The following CLTCL1 variants were observed in gnomAD, a reference collection of about 807,000 sequenced individuals.
The protein encoded by CLTCL1 is clathrin heavy chain 2.
In CLTCL1, 159 loss-of-function variants were observed where a neutral mutation model predicts 190.0. That is an observed-to-expected ratio of 0.84 (90% CI 0.74 to 0.95). CLTCL1 has a LOEUF of 0.95. Among genes scored for constraint, CLTCL1 ranks in the 40% least tolerant of loss-of-function variants. The probability of loss-of-function intolerance (pLI) is 0.00; values close to 1 mark genes in which losing one functional copy is unlikely to be tolerated. For missense variants in CLTCL1, 1,878 were observed against 2,033.4 expected (o/e 0.92, Z 1.47); for synonymous variants, 752 against 769.6 (o/e 0.98, Z 0.38).
chr22:19,253,865 C>G (rs570278985), intron 3 of CLTCL1, 94 bp downstream of exon 3: 1 of 1,452,862 alleles, frequency 6.9e-7, no homozygotes, highest in East Asian at 2.5e-5. Flanking sequence ...CGCACCTGGC[C>G]CTATAACCAA....
intron 1 of CLTCL1, among the ~76,000 whole-genome samples, chr22:19,290,960 G>C (rs1304127283): frequency 6.6e-6 from 1 of 152,194 alleles, no homozygotes; most frequent in Non-Finnish European, 1.5e-5. Flanking sequence ...CTCCCGGGCA[G>C]ACCCGCGAGC....
chr22:19,219,946 G>A lies in CLTCL1; in HGVS notation c.2858C>T (p.Pro953Leu), dbSNP rs181361214. ...CTCAAGGACGTGAGCCCAGAGCTCC[G>A]GATCCTTTCTGCATACCAGGTAGCG... ...EARYLVCRKD[P>L]ELWAHVLEET... Residue 953 changes from proline to leucine, a missense_variant, in exon 18 of 33, where the codon CCG becomes CTG. Pro to Leu is a moderately conservative substitution (Grantham distance 98). Coordinates refer to ENST00000427926, the MANE Select transcript of CLTCL1 (RefSeq NM_007098.4). 16 of 1,613,994 alleles carry A rather than the reference G, an allele frequency of 9.9e-6. No individual in the cohort carries two copies. The highest frequency in any genetic ancestry group is 6.7e-5 in the Admixed American group (4 of 60,010).
rs782293538 is a variant in CLTCL1, at chr22:19,210,469, C to G, written c.3106G>C (p.Asp1036His). ...NLLILTAIKA[D>H]RTRVMEYISR... The stretch of plus-strand genomic sequence containing the variant: ...ATGTACTCCATGACCCGTGTGCGGT[C>G]TGCCTTGATGGCAGTCAGGATCAAC... Residue 1036 changes from aspartate (D) to histidine (H), a missense_variant, in exon 20 of 33, where the codon GAC becomes CAC. Physicochemically the swap from Asp to His is moderately conservative, Grantham distance 81. Transcript: ENST00000427926. 1.2e-6 allele frequency: 2 copies of G among 1,613,970 alleles called. No individual in the cohort carries two copies. Among genetic ancestry groups the G allele is most frequent in the Admixed American group, 3.3e-5 (2 of 60,026 alleles).
intron 18 of CLTCL1, 103 bp from the exon 19 acceptor site, chr22:19,216,359 A>G (rs1555949523): frequency 1.9e-6 from 2 of 1,071,278 alleles, no homozygotes; most frequent in African/African-American, 1.6e-5. Flanking sequence ...GGTCTGGAAT[A>G]GACACAGAGA....
intron 31 of CLTCL1, 55 bp from the exon 32 acceptor site, chr22:19,180,293 G>C (rs1232290204): frequency 6.3e-7 from 1 of 1,596,942 alleles, no homozygotes; most frequent in African/African-American, 1.3e-5. Flanking sequence ...CCGGACGCTG[G>C]AGACCCGCCG....
chr22:19,213,167 C>T (rs908032001), intron 19 of CLTCL1, among the ~76,000 whole-genome samples: 4 of 152,216 alleles, frequency 2.6e-5, no homozygotes, highest in African/African-American at 9.6e-5. Flanking sequence ...CAACAGATTT[C>T]AAGAGACACT....
rs1555960162 is a variant in CLTCL1, at chr22:19,233,446, T to G, written c.1344A>C (p.Leu448=). 11 of 1,613,592 alleles carry G rather than the reference T, an allele frequency of 6.8e-6. No homozygotes were observed. In the Admixed American group the frequency reaches 1.8e-4, roughly 27 times the overall value. The part of the protein sequence containing the change: ...LVLQQGRKQL[L]EKWLKEDKLE... ...CCTTATCTTCTTTCAGCCACTTCTC[T>G]AGGAGTTGCTTACGCCCCTGCTGAA... The change falls in exon 8 of 33, where the codon CTA becomes CTC. Residue 448 remains leucine (L), a synonymous_variant. Transcript: ENST00000427926.
intron 19 of CLTCL1, 113 bp from the exon 20 acceptor site, chr22:19,210,622 T>C (rs1030272697): frequency 2.7e-5 from 19 of 703,966 alleles, no homozygotes; most frequent in African/African-American, 3.6e-5. Flanking sequence ...GTAATTAATA[T>C]ACACACACAT....
intron 22 of CLTCL1, chr22:19,207,542 G>C: frequency 2.5e-6 from 1 of 401,858 alleles, no homozygotes; most frequent in East Asian, 3.5e-5. Context: ...TGCTTCTCAT[G>C]ATCTTTATCT....
Position 19,235,827 on chromosome 22 carries a change from C to G in CLTCL1, c.838G>C (p.Gly280Arg), listed in dbSNP as rs781810183. ...HGVIYLITKY[G>R]YLHLYDLESG... ...TCTAGGTCGTACAGATGAAGATAGC[C>G]ATACTTTGTGATCAAGTAAATAACA... Residue 280 changes from glycine (G) to arginine (R), a missense_variant, in exon 6 of 33, where the codon GGC becomes CGC. Transcript: ENST00000427926. The G allele has an allele frequency of 1.8e-5, 29 of 1,613,814 alleles. No individual in the cohort carries two copies. The highest frequency in any genetic ancestry group is 2.4e-5 in the Non-Finnish European group (28 of 1,179,870).
At chr22:19,256,880 C>T (rs952964786) in intron 2 of CLTCL1, among the ~76,000 whole-genome samples, 6 of 152,042 alleles carry the variant, frequency 3.9e-5, no homozygotes, top group Middle Eastern at 3.2e-3. Context: ...ATAGACATAA[C>T]AAATTTGGAA....
At chr22:19,195,333 GTCC>G (rs1555934814) in intron 26 of CLTCL1, among the ~76,000 whole-genome samples, 2 of 152,178 alleles carry the variant, frequency 1.3e-5, no homozygotes, top group Non-Finnish European at 2.9e-5. Context: ...TAACATGGAT[GTCC>G]TCCAACAAGA....
intron 10 of CLTCL1, among the ~76,000 whole-genome samples, chr22:19,230,884 T>A (rs1322923294): frequency 1.3e-5 from 2 of 152,142 alleles, no homozygotes; most frequent in Non-Finnish European, 2.9e-5. Context: ...TGATCCACTC[T>A]CAATGTCGGG....
At chr22:19,185,149 G>A (rs1262602600) in intron 29 of CLTCL1, among the ~76,000 whole-genome samples, 5 of 152,220 alleles carry the variant, frequency 3.3e-5, no homozygotes, top group African/African-American at 1.2e-4. Flanking sequence ...CAGTGGCAGT[G>A]CTGACCTTGG....
chr22:19,260,529 AC>A (rs1486293551), intron 2 of CLTCL1, among the ~76,000 whole-genome samples: 1 of 148,566 alleles, frequency 6.7e-6, no homozygotes, highest in African/African-American at 2.6e-5. Context: ...TAATCCCAGC[AC>A]TTTGGAAGGC....
rs1555952826 is a variant in CLTCL1, at chr22:19,222,027, T to C, written c.2485A>G (p.Ile829Val). 5.0e-6 allele frequency: 8 copies of C among 1,613,886 alleles called. No individual in the cohort carries two copies. The South Asian group carries it at 7.7e-5, about 16-fold the overall frequency. ...LLDVDCSEEV[I>V]KHLIMAVRGQ... ...CTCACTGCCATGATTAAGTGTTTAA[T>C]CACTTCCTCAGAACAATCCACATCA... is the stretch of plus-strand genomic sequence containing the variant. Residue 829 changes from isoleucine to valine, a missense_variant, in exon 16 of 33, where the codon ATT becomes GTT. By Grantham distance (29) the Ile-to-Val change is conservative. Transcript: ENST00000427926.
chr22:19,202,640 C>A (rs1449672372), intron 22 of CLTCL1, among the ~76,000 whole-genome samples: 1 of 150,164 alleles, frequency 6.7e-6, no homozygotes, highest in African/African-American at 2.5e-5. Context: ...CTTCCGTCAT[C>A]CATGGCACCT....
chr22:19,225,709 A>G, intron 12 of CLTCL1, 76 bp from the exon 13 acceptor site: 1 of 1,309,752 alleles, frequency 7.6e-7, no homozygotes, highest in Non-Finnish European at 1.0e-6. Context: ...TAACTAGGTC[A>G]TTCTCCTGTT....
intron 11 of CLTCL1, among the ~76,000 whole-genome samples, chr22:19,228,297 A>C (rs2085815548): frequency 6.6e-6 from 1 of 152,224 alleles, no homozygotes; most frequent in South Asian, 2.1e-4. Context: ...AGAATGTAGA[A>C]ACCATCACGC....
Sources: gnomAD v4.1 joint callset for allele counts (sites outside exome capture counted in the v4.1 genomes callset) on GRCh38, gnomAD v4.1.1 for gene constraint, MANE v1.5 for transcripts, NCBI Gene and HGNC (gene_info 2026-07-23, HGNC 2026-07-21) for gene names.